Variants in ANO7 observed in about 807,000 individuals in gnomAD.
ANO7 encodes anoctamin 7, also known as anoctamin-7.
A neutral mutation model predicts 115.8 loss-of-function variants in ANO7; 114 were observed. The observed-to-expected ratio is 0.98, with a 90% CI of 0.85 to 1.15. ANO7 has a LOEUF of 1.15. Ranked by LOEUF, ANO7 falls within the 50% of genes most tolerant of loss-of-function variation. ANO7 has a pLI of 0.00. For missense variants in ANO7, 1,302 were observed against 1,201.2 expected, an observed-to-expected ratio of 1.08 and a Z score of -1.24; for synonymous variants, 550 against 498.2, an observed-to-expected ratio of 1.10 and a Z score of -1.38.
At chr2:241,218,416 G>T in intron 21 of ANO7, 35 bp downstream of exon 21, 2 of 1,284,776 alleles carry the variant, frequency 1.6e-6, no homozygotes, top group South Asian at 2.2e-5. Flanking sequence ...GGCCGCGGGC[G>T]CACGAGGACG....
chr2:241,190,231 G>A (rs1379516794), intron 2 of ANO7, 60 bp downstream of exon 2: 31 of 1,426,592 alleles, frequency 2.2e-5, no homozygotes, highest in Non-Finnish European at 2.8e-5. Context: ...CTGGGTCTAT[G>A]CCCCCACCCT....
Position 241,202,291 on chromosome 2 carries a change from TC to T in ANO7, c.715del (p.Leu239CysfsTer182). 1 of 1,612,200 alleles carries T rather than the reference TC, an allele frequency of 6.2e-7. No individual in the cohort carries two copies. Reference sequence around the variant, plus strand: ...GCAGAGGGTGTCCTCAGTGCCGCCTTCCCCCTGCATGACGTGAGCTCGGGGG... The same window carrying T: ...GCAGAGGGTGTCCTCAGTGCCGCCTTCCCCTGCATGACGTGAGCTCGGGGG... ...LLAEGVLSAA[F>X]PLHDGPFKTP... On this transcript the variant is annotated frameshift_variant, in exon 8 of 25. Coordinates refer to ENST00000674324, the MANE Select transcript of ANO7 (RefSeq NM_001370694.2). LOFTEE classifies it high-confidence loss of function.
At chr2:241,239,767 G>C in the ANO7 span, 1 of 1,614,146 alleles carries the variant, frequency 6.2e-7, no homozygotes, top group Non-Finnish European at 8.5e-7. The surrounding 1 kb of genome is among the most constrained non-coding windows in gnomAD (Gnocchi z 4.6). Context: ...TGCGGATGAC[G>C]AAGTGGCGGT....
At chr2:241,236,086 G>A in the ANO7 span, 2 of 188,726 alleles carry the variant, frequency 1.1e-5, no homozygotes, top group Non-Finnish European at 2.2e-5. Flanking sequence ...TCCAGAACCT[G>A]CTTTCTTGCC....
chr2:241,200,538 C>G (rs1335983950), intron 6 of ANO7, among the ~76,000 whole-genome samples: 1 of 152,210 alleles, frequency 6.6e-6, no homozygotes, highest in Non-Finnish European at 1.5e-5. Context: ...TCTCTCAGGG[C>G]CCGGGCGATG....
intron 21 of ANO7, among the ~76,000 whole-genome samples, chr2:241,222,880 G>A (rs543892664): frequency 3.3e-5 from 5 of 152,322 alleles, no homozygotes; most frequent in South Asian, 4.1e-4. Flanking sequence ...AAGCACAGAC[G>A]TACTGGACTG....
At chr2:241,239,540 C>G in the ANO7 span, 1 of 1,385,512 alleles carries the variant, frequency 7.2e-7, no homozygotes, top group Admixed American at 1.7e-5. This position sits in a 1 kb window ranked among gnomAD's most constrained non-coding sequence, Gnocchi z 4.6. Context: ...AACACTCATA[C>G]ACGGCTTCGG....
intron 9 of ANO7, among the ~76,000 whole-genome samples, chr2:241,204,026 A>G (rs35662847): frequency 0.13 from 19,980 of 151,962 alleles, 3,106 homozygotes; most frequent in East Asian, 0.72. Context: ...GCCCTTTCTC[A>G]TCCGCACACA....
chr2:241,216,543 G>C (rs1414381604), intron 19 of ANO7, among the ~76,000 whole-genome samples: 2 of 152,246 alleles, frequency 1.3e-5, no homozygotes, highest in African/African-American at 4.8e-5. Context: ...CAGAGCAAGG[G>C]AAGAATTAGG....
In ANO7 at chr2:241,218,259, G is replaced by C; in HGVS notation, c.2199G>C (p.Ser733=). The C allele has an allele frequency of 6.5e-7, 1 of 1,529,470 alleles. No homozygotes were observed. Among genetic ancestry groups the C allele is most frequent in the Non-Finnish European group, 8.7e-7 (1 of 1,145,438 alleles). 94.7% of individuals were successfully genotyped at this position (1,529,470 alleles called of 1,614,324 possible). A position where few individuals can be genotyped will look rare whatever the true frequency, so the allele number is the denominator to read the frequency against. ...VISNAFLLAF[S]SDFLPRAYYR... ...CCCAGGCCTTCCTCCTGGCCTTCTC[G>C]TCCGACTTCCTGCCGCGCGCCTACT... is the stretch of plus-strand genomic sequence containing the variant. Residue 733 remains serine, a synonymous_variant, in exon 21 of 25, where the codon TCG becomes TCC. Transcript: ENST00000674324.
At chr2:241,201,799 G>A (rs973458710) in intron 7 of ANO7, among the ~76,000 whole-genome samples, 3 of 151,426 alleles carry the variant, frequency 2.0e-5, no homozygotes, top group East Asian at 2.0e-4. Context: ...ACACAGTCAC[G>A]TGGCTGCCCA....
intron 10 of ANO7, among the ~76,000 whole-genome samples, chr2:241,207,272 G>A (rs541068170): frequency 2.0e-5 from 3 of 152,330 alleles, no homozygotes; most frequent in South Asian, 4.1e-4. Context: ...ATGGGCAGGA[G>A]TGCTCCCATG....
intron 3 of ANO7, among the ~76,000 whole-genome samples, chr2:241,194,346 G>C (rs1648855222): frequency 7.9e-6 from 1 of 125,962 alleles, no homozygotes. Context: ...TCGCTCTGTT[G>C]CCCTGTTGCC....
chr2:241,214,960 T>G, intron 18 of ANO7, 58 bp downstream of exon 18: 3 of 1,498,784 alleles, frequency 2.0e-6, no homozygotes, highest in Non-Finnish European at 2.7e-6. Flanking sequence ...CCAGAGCACC[T>G]GGCAGTAGCA....
intron 19 of ANO7, 71 bp from the exon 20 acceptor site, chr2:241,217,615 C>T (rs1481413836): frequency 4.6e-6 from 7 of 1,506,596 alleles, no homozygotes; most frequent in East Asian, 2.5e-5. Flanking sequence ...GCCGGTCCTC[C>T]GCGGGGGGCG....
chr2:241,229,809 G>A, downstream of ANO7: 3 of 563,696 alleles, frequency 5.3e-6, no homozygotes, highest in South Asian at 3.0e-5. Flanking sequence ...CTGGGACCCA[G>A]GAGGGCAGAA....
Position 241,210,260 on chromosome 2 carries a change from C to T in ANO7, c.1360-35C>T, listed in dbSNP as rs201355514. The T allele has an allele frequency of 2.4e-4, 382 of 1,607,872 alleles. 3 individuals are homozygous for T. The South Asian group carries it at 2.7e-3, about 11-fold the overall frequency. On this transcript the variant is annotated intron_variant, in intron 13 of 24. Coordinates refer to ENST00000674324, the MANE Select transcript of ANO7 (RefSeq NM_001370694.2). ...GAGGGTGCTGGGGTGCCCAAGACAC[C>T]GTGAAGGGTCTCACGGGCCTCCCTG...
intron 17 of ANO7, 54 bp from the exon 18 acceptor site, chr2:241,214,751 G>A (rs538891738): frequency 5.8e-5 from 88 of 1,515,640 alleles, no homozygotes; most frequent in East Asian, 2.0e-4. Flanking sequence ...GAAGGGATGC[G>A]TGGGTGAGTG....
chr2:241,207,849 C>A lies in ANO7; in HGVS notation c.1077+179C>A, dbSNP rs9679681. ...CTCTTGCCTGGAACTGGGGTTACACCCGGCACACACCTCCCAGCACTTGGC... is the reference window on the plus strand; with the variant it reads ...CTCTTGCCTGGAACTGGGGTTACACACGGCACACACCTCCCAGCACTTGGC... On this transcript the variant is annotated intron_variant, in intron 11 of 24. Coordinates refer to ENST00000674324, the MANE Select transcript of ANO7 (RefSeq NM_001370694.2). Among the ~76,000 whole-genome samples, 52,975 of 152,006 alleles carry A rather than the reference C, an allele frequency of 0.35. 10,354 individuals are homozygous for A. Among genetic ancestry groups the A allele is most frequent in the Middle Eastern group, 0.47 (139 of 294 alleles).
Sources: gnomAD v4.1 joint callset for allele counts (sites outside exome capture counted in the v4.1 genomes callset) on GRCh38, gnomAD v4.1.1 for gene constraint, Gnocchi (gnomAD v3.1) non-coding constraint, MANE v1.5 for transcripts, NCBI Gene and HGNC (gene_info 2026-07-23, HGNC 2026-07-21) for gene names.